The following SPIDR variants were observed in gnomAD, a reference collection of about 807,000 sequenced individuals.
SPIDR encodes the protein scaffold protein involved in DNA repair, also known as DNA repair-scaffolding protein.
SPIDR carries 93 observed loss-of-function variants against 104.6 expected under a neutral mutation model. That is an observed-to-expected ratio of 0.89 (90% CI 0.75 to 1.06). The LOEUF (loss-of-function observed/expected upper bound fraction) is 1.06, where lower values mean the gene tolerates loss of function less well. Among genes scored for constraint, SPIDR ranks in the 50% least tolerant of loss-of-function variants. The pLI is 0.00. For missense variants in SPIDR, 1,154 were observed against 1,111.2 expected (o/e 1.04, Z -0.55); for synonymous variants, 431 against 416.9 (o/e 1.03, Z -0.41).
At chr8:47,360,336 G>T (rs561357193) in intron 5 of SPIDR, among the ~76,000 whole-genome samples, 1 of 150,746 alleles carries the variant, frequency 6.6e-6, no homozygotes, top group South Asian at 2.1e-4. Flanking sequence ...TCTAATTGCT[G>T]TGTGGTTAGT....
intron 8 of SPIDR, among the ~76,000 whole-genome samples, chr8:47,502,110 GT>G (rs531391607): frequency 5.9e-5 from 9 of 152,142 alleles, no homozygotes; most frequent in Non-Finnish European, 5.9e-5. Context: ...GTCTTTTTTT[GT>G]TGTGTCTCTG....
chr8:47,624,419 A>G (rs2065672106), intron 10 of SPIDR, among the ~76,000 whole-genome samples: 1 of 152,218 alleles, frequency 6.6e-6, no homozygotes, highest in Non-Finnish European at 1.5e-5. Flanking sequence ...AGACACAAAA[A>G]ACCCTTCAAA....
At chr8:47,727,068 A>G in intron 16 of SPIDR, 132 bp from the exon 17 acceptor site, 1 of 637,902 alleles carries the variant, frequency 1.6e-6, no homozygotes. Context: ...AAATCTTAGG[A>G]ACATGTATAT....
intron 8 of SPIDR, among the ~76,000 whole-genome samples, chr8:47,485,882 C>T (rs868936844): frequency 6.6e-6 from 1 of 152,166 alleles, no homozygotes; most frequent in South Asian, 2.1e-4. Context: ...AAGGTAGATA[C>T]AGCCACAAAG....
At chr8:47,618,229 T>C (rs1441942405) in intron 10 of SPIDR, among the ~76,000 whole-genome samples, 1 of 152,180 alleles carries the variant, frequency 6.6e-6, no homozygotes, top group Non-Finnish European at 1.5e-5. Flanking sequence ...CTTTATCTTC[T>C]GCAAAAGAGA....
At chr8:47,547,093 C>CA in intron 8 of SPIDR, 1 of 553,216 alleles carries the variant, frequency 1.8e-6, no homozygotes, top group Non-Finnish European at 3.5e-6. Context: ...GTGATCTTGC[C>CA]AGTTTCCAAA....
At chr8:47,441,447 C>G (rs2069411412) in intron 8 of SPIDR, among the ~76,000 whole-genome samples, 1 of 151,800 alleles carries the variant, frequency 6.6e-6, no homozygotes, top group South Asian at 2.1e-4. Flanking sequence ...CCATTGATAG[C>G]TTTTGACCTT....
At position 47,692,542 on chromosome 8, in the gene SPIDR, G is replaced by C. The variant is rs191646033; in HGVS notation, c.1686-7861G>C. Among the ~76,000 whole-genome samples the C allele has an allele frequency of 3.6e-3, 517 of 143,590 alleles. 4 individuals carry two copies. Among genetic ancestry groups the C allele is most frequent in the Middle Eastern group, 0.03 (8 of 268 alleles). 94.2% of individuals were successfully genotyped at this position (143,590 alleles called of 152,430 possible). On this transcript the variant is annotated intron_variant, in intron 11 of 19. Coordinates refer to ENST00000297423, the MANE Select transcript of SPIDR (RefSeq NM_001080394.4). ...GACTGAGTTTCTTGCTTGTTGCCCA[G>C]GCTGGAGTGCAATGGTGCGATCTTG...
chr8:47,666,635 G>C (rs2074970995), intron 10 of SPIDR, among the ~76,000 whole-genome samples: 1 of 152,134 alleles, frequency 6.6e-6, no homozygotes, highest in Admixed American at 6.5e-5. Flanking sequence ...AGGGCCTTTT[G>C]AGGAGAAGAA....
At chr8:47,695,340 A>G (rs1056371521) in intron 11 of SPIDR, among the ~76,000 whole-genome samples, 1 of 152,074 alleles carries the variant, frequency 6.6e-6, no homozygotes, top group Non-Finnish European at 1.5e-5. Flanking sequence ...CAACATGACA[A>G]ATTTTAAGAA....
At position 47,599,121 on chromosome 8, in the gene SPIDR, A is replaced by T. The variant is rs773699022; in HGVS notation, c.1469A>T (p.Tyr490Phe). Residue 490 changes from tyrosine to phenylalanine, a missense_variant, in exon 10 of 20, where the codon TAT (tyrosine) becomes TTT (phenylalanine). Coordinates refer to ENST00000297423, the MANE Select transcript of SPIDR (RefSeq NM_001080394.4). Reference protein sequence around the residue: ...AGVRVVVQRVYSLPSRDSTRG... With the variant: ...AGVRVVVQRVFSLPSRDSTRG... ...GTCCGAGTGGTGGTGCAAAGAGTGT[A>T]TTCTCTTCCCAGCAGAGACAGCACC... is the stretch of plus-strand genomic sequence containing the variant. 6.2e-7 allele frequency: 1 copy of T among 1,613,284 alleles called. No homozygotes were observed. Among genetic ancestry groups the T allele is most frequent in the Middle Eastern group, 1.6e-4 (1 of 6,062 alleles).
chr8:47,634,199 A>G (rs1017566755), intron 10 of SPIDR, among the ~76,000 whole-genome samples: 11 of 152,190 alleles, frequency 7.2e-5, no homozygotes, highest in Non-Finnish European at 1.5e-4. Flanking sequence ...TCATGCCTGT[A>G]ATCCCAGCAC....
intron 8 of SPIDR, among the ~76,000 whole-genome samples, chr8:47,474,619 T>C (rs2076082001): frequency 6.6e-6 from 1 of 152,202 alleles, no homozygotes; most frequent in Non-Finnish European, 1.5e-5. Context: ...GAAAATGGAG[T>C]TCTCAATCTC....
intron 8 of SPIDR, among the ~76,000 whole-genome samples, chr8:47,446,793 G>C (rs1554702138): frequency 6.6e-6 from 1 of 152,022 alleles, no homozygotes; most frequent in African/African-American, 2.4e-5. Context: ...CACCATATTG[G>C]TCAGGCTGGT....
At chr8:47,323,088 TAAA>T (rs59080894) in intron 5 of SPIDR, among the ~76,000 whole-genome samples, 2,409 of 145,170 alleles carry the variant, frequency 0.017, 49 homozygotes, top group African/African-American at 0.057. Context: ...TAAAGTATAA[TAAA>T]AAAAGAAGAA....
At chr8:47,401,736 A>G (rs2061921339) in intron 6 of SPIDR, among the ~76,000 whole-genome samples, 1 of 152,230 alleles carries the variant, frequency 6.6e-6, no homozygotes, top group Admixed American at 6.5e-5. Context: ...AGAGACAAAG[A>G]AGGCCATTAC....
chr8:47,559,373 C>T (rs1319517171), intron 8 of SPIDR, among the ~76,000 whole-genome samples: 1 of 152,172 alleles, frequency 6.6e-6, no homozygotes, highest in South Asian at 2.1e-4. Flanking sequence ...TACTGTCTTC[C>T]TTACATATGT....
intron 8 of SPIDR, among the ~76,000 whole-genome samples, chr8:47,550,982 T>C (rs1040693862): frequency 5.9e-5 from 9 of 152,204 alleles, no homozygotes; most frequent in African/African-American, 1.9e-4. Flanking sequence ...GCATGAAGCG[T>C]TGTTGAATTT....
intron 5 of SPIDR, among the ~76,000 whole-genome samples, chr8:47,368,505 T>C (rs2057552498): frequency 6.6e-6 from 1 of 152,136 alleles, no homozygotes; most frequent in Non-Finnish European, 1.5e-5. Flanking sequence ...GGTGTCATCT[T>C]GCCAGCCATC....
Sources: gnomAD v4.1 joint callset for allele counts (sites outside exome capture counted in the v4.1 genomes callset) on GRCh38, gnomAD v4.1.1 for gene constraint, MANE v1.5 for transcripts, NCBI Gene and HGNC (gene_info 2026-07-23, HGNC 2026-07-21) for gene names.